The following DRC8 variants were observed in gnomAD, a reference collection of about 807,000 sequenced individuals.
DRC8 encodes the protein dynein regulatory complex subunit 8.
At chr1:245,023,899 G>C in the DRC8 span, among the ~76,000 whole-genome samples, 233 of 152,256 alleles carry the variant, frequency 1.5e-3, 1 homozygote, top group African/African-American at 5.1e-3. Flanking sequence ...GCTGGGCGCA[G>C]TGGCTCAAAC....
chr1:245,086,314 T>A, the DRC8 span, among the ~76,000 whole-genome samples: 3 of 152,194 alleles, frequency 2.0e-5, no homozygotes, highest in African/African-American at 7.2e-5. Context: ...ATCAGCTAAG[T>A]GTAATAGCAG....
the DRC8 span, among the ~76,000 whole-genome samples, chr1:245,101,930 G>C: frequency 6.6e-6 from 1 of 152,102 alleles, no homozygotes. Context: ...GGTTCATCTT[G>C]TACCTATTGG....
the DRC8 span, among the ~76,000 whole-genome samples, chr1:245,099,216 C>T: frequency 6.6e-6 from 1 of 152,222 alleles, no homozygotes; most frequent in Admixed American, 6.5e-5. Flanking sequence ...GTCCCCTCCC[C>T]AGTCCACTGC....
chr1:245,041,910 A>G, the DRC8 span, among the ~76,000 whole-genome samples: 1 of 152,182 alleles, frequency 6.6e-6, no homozygotes. Context: ...TGACACCTTT[A>G]TCTGGGACCT....
chr1:244,993,231 G>A, the DRC8 span, among the ~76,000 whole-genome samples: 1 of 152,194 alleles, frequency 6.6e-6, no homozygotes, highest in African/African-American at 2.4e-5. Flanking sequence ...ATAGCAAGAG[G>A]TGAGGGTCAT....
the DRC8 span, among the ~76,000 whole-genome samples, chr1:245,008,670 CTTTTTTTTTT>C: frequency 4.3e-5 from 6 of 139,348 alleles, no homozygotes; most frequent in African/African-American, 1.6e-4. Flanking sequence ...TGTTCTCACA[CTTTTTTTTTT>C]TTTTTTTTAA....
chr1:244,976,032 G>T, the DRC8 span, among the ~76,000 whole-genome samples: 1 of 151,966 alleles, frequency 6.6e-6, no homozygotes. Context: ...ACTTTGGGAG[G>T]CCGAGGTGGG....
At chr1:245,086,980 C>A in the DRC8 span, 1 of 550,084 alleles carries the variant, frequency 1.8e-6, no homozygotes, top group Non-Finnish European at 3.4e-6. Context: ...TGTCTTCCTA[C>A]TGTTTTGCCT....
the DRC8 span, among the ~76,000 whole-genome samples, chr1:245,012,004 A>C: frequency 6.6e-6 from 1 of 152,222 alleles, no homozygotes; most frequent in African/African-American, 2.4e-5. Context: ...TCACGAGGTC[A>C]GGAGTTCAAG....
the DRC8 span, among the ~76,000 whole-genome samples, chr1:245,034,387 G>A: frequency 6.6e-6 from 1 of 152,022 alleles, no homozygotes; most frequent in Non-Finnish European, 1.5e-5. Flanking sequence ...AATCTTTTGA[G>A]GTCAGGAGTT....
At chr1:245,047,373 G>C in the DRC8 span, among the ~76,000 whole-genome samples, 1 of 152,176 alleles carries the variant, frequency 6.6e-6, no homozygotes, top group Non-Finnish European at 1.5e-5. Flanking sequence ...AGTGGCTCAC[G>C]CCTGTAATCC....
At chr1:245,072,848 C>T in the DRC8 span, among the ~76,000 whole-genome samples, 9 of 152,182 alleles carry the variant, frequency 5.9e-5, no homozygotes, top group Non-Finnish European at 1.2e-4. Context: ...CTCCTCCCTC[C>T]GCACTCTCTC....
chr1:245,072,582 A>G, the DRC8 span, among the ~76,000 whole-genome samples: 48 of 152,320 alleles, frequency 3.2e-4, no homozygotes, highest in African/African-American at 1.1e-3. Context: ...TGATACTATC[A>G]TGGTGAAGAC....
At chr1:245,007,717 G>A in the DRC8 span, among the ~76,000 whole-genome samples, 1 of 152,166 alleles carries the variant, frequency 6.6e-6, no homozygotes, top group East Asian at 1.9e-4. Flanking sequence ...TTAGGAGTAT[G>A]GGGCTATGAG....
At chr1:244,976,351 A>G in the DRC8 span, among the ~76,000 whole-genome samples, 2 of 152,302 alleles carry the variant, frequency 1.3e-5, no homozygotes, top group Admixed American at 1.3e-4. Flanking sequence ...GCATTCCTGC[A>G]TATTTCTGGG....
the DRC8 span, chr1:244,970,200 C>T: frequency 1.4e-6 from 1 of 737,948 alleles, no homozygotes; most frequent in Non-Finnish European, 2.4e-6. Flanking sequence ...CAGACGGGGC[C>T]TCTGGTCTTC....
the DRC8 span, among the ~76,000 whole-genome samples, chr1:245,034,928 G>T: frequency 0.36 from 54,436 of 150,040 alleles, 10,219 homozygotes; most frequent in African/African-American, 0.47. Context: ...TTTGGGAAAG[G>T]ACAAATGCAA....
At chr1:245,087,892 G>A in the DRC8 span, 17 of 595,006 alleles carry the variant, frequency 2.9e-5, no homozygotes, top group Admixed American at 9.5e-4. Context: ...ATAACTTAGT[G>A]TAAACATTTA....
chr1:245,029,108 G>A, the DRC8 span, among the ~76,000 whole-genome samples: 1 of 152,210 alleles, frequency 6.6e-6, no homozygotes, highest in African/African-American at 2.4e-5. Context: ...CATGGGGTCG[G>A]TCCTAGATAT....
Sources: gnomAD v4.1 joint callset for allele counts (sites outside exome capture counted in the v4.1 genomes callset) on GRCh38, gnomAD v4.1.1 for gene constraint, MANE v1.5 for transcripts, NCBI Gene and HGNC (gene_info 2026-07-23, HGNC 2026-07-21) for gene names.